GLRA2: variants seen among roughly 807,000 people sequenced by gnomAD.
The protein encoded by GLRA2 is glycine receptor alpha 2, also known as glycine receptor subunit alpha-2.
Under a neutral mutation model 31.6 loss-of-function variants are expected in GLRA2, and 11 were observed. That is an observed-to-expected ratio of 0.35 (90% confidence interval 0.22 to 0.58). The LOEUF (loss-of-function observed/expected upper bound fraction) is 0.58. Ranked by LOEUF, GLRA2 falls within the 20% of genes least tolerant of loss-of-function variation. The pLI is 0.84. For missense variants in GLRA2, 212 were observed against 351.8 expected, an observed-to-expected ratio of 0.60 and a Z score of 3.18; for synonymous variants, 132 against 134.0, an observed-to-expected ratio of 0.99 and a Z score of 0.10.
the GLRA2 span, among the ~76,000 whole-genome samples, chrX:14,456,797 C>T: frequency 8.9e-6 from 1 of 111,817 alleles, no homozygotes; most frequent in Non-Finnish European, 1.9e-5. Flanking sequence ...TTGGCTATTG[C>T]GAATAGTGCT....
At chrX:14,514,304 A>G in the GLRA2 span, among the ~76,000 whole-genome samples, 1 of 110,166 alleles carries the variant, frequency 9.1e-6, no homozygotes, top group Non-Finnish European at 1.9e-5. Flanking sequence ...GGTACAGTAT[A>G]TACTGCTTGG....
At chrX:14,567,464 G>T (rs781602345) in intron 2 of GLRA2, among the ~76,000 whole-genome samples, 2 of 111,833 alleles carry the variant, frequency 1.8e-5, no homozygotes, top group African/African-American at 6.5e-5. Flanking sequence ...ATATGATAAA[G>T]GGAATTTATT....
intron 2 of GLRA2, among the ~76,000 whole-genome samples, chrX:14,565,079 A>AT (rs1171766388): frequency 8.9e-6 from 1 of 111,857 alleles, no homozygotes; most frequent in Non-Finnish European, 1.9e-5. Flanking sequence ...AAAAGCTATG[A>AT]GATATTCAAA....
intron 8 of GLRA2, among the ~76,000 whole-genome samples, chrX:14,695,140 C>T (rs925321783): frequency 9.6e-6 from 1 of 104,271 alleles, no homozygotes; most frequent in East Asian, 2.8e-4. Flanking sequence ...AGTGAGATTA[C>T]ACATTGAGAT....
At chrX:14,698,336 C>A (rs1294699112) in intron 8 of GLRA2, among the ~76,000 whole-genome samples, 1 of 110,994 alleles carries the variant, frequency 9.0e-6, no homozygotes, top group Non-Finnish European at 1.9e-5. Flanking sequence ...TTAATTTTCA[C>A]AGAAATGCAT....
intron 4 of GLRA2, among the ~76,000 whole-genome samples, chrX:14,597,093 C>T (rs1176133752): frequency 1.8e-5 from 2 of 111,846 alleles, no homozygotes; most frequent in African/African-American, 6.5e-5. Context: ...TAAGATGACA[C>T]TCTTGTTTGA....
At chrX:14,579,751 G>A (rs775876268) in intron 3 of GLRA2, among the ~76,000 whole-genome samples, 2 of 111,616 alleles carry the variant, frequency 1.8e-5, no homozygotes, top group Admixed American at 9.6e-5. Context: ...CTCAAGGTTA[G>A]CTTTCCCATA....
At chrX:14,516,525 G>T in the GLRA2 span, among the ~76,000 whole-genome samples, 1 of 111,171 alleles carries the variant, frequency 9.0e-6, no homozygotes, top group South Asian at 3.8e-4. Flanking sequence ...CCTAACTGTT[G>T]TAACTAATCT....
the GLRA2 span, among the ~76,000 whole-genome samples, chrX:14,472,116 A>G: frequency 5.4e-5 from 6 of 112,060 alleles, no homozygotes; most frequent in Non-Finnish European, 1.1e-4. Flanking sequence ...TTTTCCCAGA[A>G]TAGGTGACCA....
intron 8 of GLRA2, among the ~76,000 whole-genome samples, chrX:14,701,567 T>C (rs904562905): frequency 7.3e-5 from 8 of 110,125 alleles, no homozygotes; most frequent in Non-Finnish European, 1.5e-4. Flanking sequence ...AATCACGTGA[T>C]GGTCCAAGCA....
chrX:14,557,261 G>A (rs1206422665), intron 2 of GLRA2, among the ~76,000 whole-genome samples: 5 of 106,902 alleles, frequency 4.7e-5, no homozygotes, highest in Non-Finnish European at 9.7e-5. Context: ...GACTACAGGC[G>A]CCCACCACCA....
At chrX:14,467,445 C>T in the GLRA2 span, among the ~76,000 whole-genome samples, 1 of 111,415 alleles carries the variant, frequency 9.0e-6, no homozygotes, top group African/African-American at 3.3e-5. Flanking sequence ...TATTGTCATA[C>T]CAAAATGCTA....
chrX:14,574,914 T>C (rs2089932960), intron 3 of GLRA2, among the ~76,000 whole-genome samples: 1 of 110,938 alleles, frequency 9.0e-6, no homozygotes, highest in African/African-American at 3.3e-5. Context: ...TGTAACAGTA[T>C]AGCCAGTTTT....
chrX:14,505,256 C>T, the GLRA2 span, among the ~76,000 whole-genome samples: 4 of 111,773 alleles, frequency 3.6e-5, no homozygotes, highest in East Asian at 5.6e-4. Context: ...GACAAACTTA[C>T]CTAGAATTTC....
At chrX:14,553,435 C>T (rs1265658853) in intron 2 of GLRA2, among the ~76,000 whole-genome samples, 1 of 111,741 alleles carries the variant, frequency 8.9e-6, no homozygotes, top group East Asian at 2.8e-4. Flanking sequence ...GCCTCCTCTG[C>T]CATGTTCCCT....
chrX:14,709,294 T>A (rs1035750494), intron 8 of GLRA2, among the ~76,000 whole-genome samples: 36 of 111,739 alleles, frequency 3.2e-4, no homozygotes, highest in Middle Eastern at 4.6e-3. Flanking sequence ...CTGTGTTACA[T>A]ACCTTCATGC....
chrX:14,722,994 G>C (rs929018660), intron 8 of GLRA2, among the ~76,000 whole-genome samples: 7 of 112,457 alleles, frequency 6.2e-5, no homozygotes, highest in African/African-American at 2.3e-4. Flanking sequence ...TTGGCTAATG[G>C]CTGATTTTAG....
chrX:14,619,129 T>C (rs2090486423), intron 7 of GLRA2, among the ~76,000 whole-genome samples: 1 of 111,180 alleles, frequency 9.0e-6, no homozygotes, highest in African/African-American at 3.3e-5. Flanking sequence ...GGACTGGAAC[T>C]CTTGGGGTCT....
chrX:14,449,040 C>G, the GLRA2 span, among the ~76,000 whole-genome samples: 2 of 112,249 alleles, frequency 1.8e-5, no homozygotes, highest in African/African-American at 3.2e-5. Context: ...GCTCATTCAC[C>G]CACTCCCTTC....
Sources: allele counts gnomAD v4.1 joint callset (sites outside exome capture counted in the v4.1 genomes callset), GRCh38; gene constraint gnomAD v4.1.1; transcripts MANE v1.5; gene names NCBI Gene and HGNC (gene_info 2026-07-23, HGNC 2026-07-21).